DNM3: variants seen among roughly 807,000 people sequenced by gnomAD.
DNM3 encodes the protein dynamin 3.
Under a neutral mutation model 101.6 loss-of-function variants are expected in DNM3, and 47 were observed. That is an observed-to-expected ratio of 0.46 (90% CI 0.37 to 0.59). The LOEUF (loss-of-function observed/expected upper bound fraction) is 0.59, where lower values mean the gene tolerates loss of function less well. Among genes scored for constraint, DNM3 ranks in the 20% least tolerant of loss-of-function variants. DNM3 has a pLI of 0.00. For synonymous variants in DNM3, 385 were observed against 387.9 expected (o/e 0.99, Z 0.09); for missense variants, 849 against 1,085.7 (o/e 0.78, Z 3.06).
At chr1:172,187,807 T>A (rs1268159629) in intron 14 of DNM3, among the ~76,000 whole-genome samples, 1 of 152,084 alleles carries the variant, frequency 6.6e-6, no homozygotes, top group Non-Finnish European at 1.5e-5. Context: ...ATTCAGATCA[T>A]ATGAGATTTC....
chr1:172,317,611 C>G (rs2065452054), intron 16 of DNM3, among the ~76,000 whole-genome samples: 2 of 152,202 alleles, frequency 1.3e-5, no homozygotes. Context: ...CTACCAACAC[C>G]TCTATGCAAA....
intron 2 of DNM3, among the ~76,000 whole-genome samples, chr1:171,943,205 G>T (rs1392808258): frequency 6.6e-6 from 1 of 152,236 alleles, no homozygotes; most frequent in Non-Finnish European, 1.5e-5. Context: ...AGGAAAAGCA[G>T]TGAGACTAGT....
intron 20 of DNM3, 128 bp downstream of exon 20, chr1:172,388,937 G>T: frequency 1.2e-6 from 1 of 804,150 alleles, no homozygotes. Flanking sequence ...TTTTCACAAT[G>T]AACAGAGACT....
intron 12 of DNM3, among the ~76,000 whole-genome samples, chr1:172,086,818 T>C (rs117509013): frequency 6.6e-6 from 1 of 152,252 alleles, no homozygotes; most frequent in East Asian, 1.9e-4. Flanking sequence ...TAGAAGTTTC[T>C]GAGATGATGG....
chr1:172,306,053 A>T (rs2064794580), intron 15 of DNM3, among the ~76,000 whole-genome samples: 1 of 152,198 alleles, frequency 6.6e-6, no homozygotes, highest in Non-Finnish European at 1.5e-5. Flanking sequence ...AAGAGAAAGA[A>T]ATAAAGGGTA....
chr1:172,079,013 G>T (rs2052914007), intron 11 of DNM3, among the ~76,000 whole-genome samples: 1 of 152,158 alleles, frequency 6.6e-6, no homozygotes, highest in Admixed American at 6.5e-5. Flanking sequence ...GCTTCCCTTT[G>T]TGGGTAACCT....
intron 14 of DNM3, among the ~76,000 whole-genome samples, chr1:172,215,000 C>T (rs1480615219): frequency 6.6e-6 from 1 of 152,024 alleles, no homozygotes; most frequent in Non-Finnish European, 1.5e-5. Context: ...TGTTAGGAAA[C>T]TGAGACCAAT....
intron 16 of DNM3, among the ~76,000 whole-genome samples, chr1:172,313,869 C>T (rs58338897): frequency 0.038 from 5,754 of 151,982 alleles, 340 homozygotes; most frequent in African/African-American, 0.12. Context: ...CATAGGTATA[C>T]GTGTGCCATG....
chr1:172,271,389 T>C (rs185627384), intron 15 of DNM3, among the ~76,000 whole-genome samples: 109 of 152,290 alleles, frequency 7.2e-4, no homozygotes, highest in Admixed American at 1.3e-3. Context: ...TATGTTAACA[T>C]AAATTATATG....
intron 14 of DNM3, chr1:172,133,250 G>T: frequency 9.2e-7 from 1 of 1,086,672 alleles, no homozygotes; most frequent in Non-Finnish European, 1.1e-6. Flanking sequence ...AAGCTTTGAA[G>T]GCTTGGTGAG....
At chr1:172,414,863 G>A (rs965609785), downstream of DNM3, among the ~76,000 whole-genome samples, 8 of 149,200 alleles carry the variant, frequency 5.4e-5, no homozygotes, top group Non-Finnish European at 4.4e-5. Flanking sequence ...CAGCCCAAGA[G>A]TTTGAGACCG....
chr1:172,410,896 T>G lies in DNM3; in HGVS notation c.*3055T>G. 2 of 985,314 alleles carry G rather than the reference T, an allele frequency of 2.0e-6. No individual in the cohort carries two copies. Among genetic ancestry groups the G allele is most frequent in the Non-Finnish European group, 2.4e-6 (2 of 829,824 alleles). The allele number at this position is 985,314 out of a possible 1,614,324, so 61.0% of individuals were successfully genotyped here. On this transcript the variant is annotated 3_prime_UTR_variant, in exon 21 of 21. Transcript: ENST00000627582. ...TGAAATGGGACCTAATACCAGTATG[T>G]GATAAATGTTGATGTTTTCTGTGTA...
At chr1:171,849,526 T>A (rs2032651106) in intron 1 of DNM3, among the ~76,000 whole-genome samples, 1 of 152,236 alleles carries the variant, frequency 6.6e-6, no homozygotes, top group South Asian at 2.1e-4. Context: ...TATTTGCAAA[T>A]TCTTTTCGTG....
intron 14 of DNM3, among the ~76,000 whole-genome samples, chr1:172,229,541 T>C (rs923443786): frequency 2.0e-5 from 3 of 152,176 alleles, no homozygotes; most frequent in African/African-American, 4.8e-5. Flanking sequence ...ACTCTACATA[T>C]GAAAATGTTG....
chr1:172,355,324 T>A (rs2067395864), intron 17 of DNM3, among the ~76,000 whole-genome samples: 1 of 151,922 alleles, frequency 6.6e-6, no homozygotes, highest in Admixed American at 6.6e-5. Context: ...ATTTAAAAAA[T>A]TTAAAGAAAT....
chr1:172,363,642 A>T (rs750456943), intron 17 of DNM3, among the ~76,000 whole-genome samples: 37 of 151,810 alleles, frequency 2.4e-4, no homozygotes, highest in Non-Finnish European at 4.4e-4. Context: ...TTCAGCCTGC[A>T]GTTGCCATAC....
intron 15 of DNM3, among the ~76,000 whole-genome samples, chr1:172,279,078 A>G (rs1281680803): frequency 6.6e-6 from 1 of 152,108 alleles, no homozygotes; most frequent in African/African-American, 2.4e-5. Flanking sequence ...TGTTGAGGAA[A>G]CGATTGATGC....
chr1:172,282,217 CCTT>C (rs2063517639), intron 15 of DNM3, among the ~76,000 whole-genome samples: 1 of 152,278 alleles, frequency 6.6e-6, no homozygotes, highest in East Asian at 1.9e-4. Context: ...CTGTCTACCT[CCTT>C]CTTTGATCTT....
chr1:172,266,430 G>A (rs2062861141), intron 15 of DNM3, among the ~76,000 whole-genome samples: 1 of 152,062 alleles, frequency 6.6e-6, no homozygotes, highest in African/African-American at 2.4e-5. Context: ...AAGGTAAAAA[G>A]CATGTAATAT....
Sources: allele counts gnomAD v4.1 joint callset (sites outside exome capture counted in the v4.1 genomes callset), GRCh38; gene constraint gnomAD v4.1.1; transcripts MANE v1.5; gene names NCBI Gene and HGNC (gene_info 2026-07-23, HGNC 2026-07-21).